SYNE1: variants seen among roughly 807,000 people sequenced by gnomAD.
SYNE1 encodes spectrin repeat containing nuclear envelope protein 1.
Under a neutral mutation model 1,111.0 loss-of-function variants are expected in SYNE1, and 616 were observed. That is an observed-to-expected ratio of 0.55 (90% CI 0.52 to 0.59). The LOEUF is 0.59. Ranked by LOEUF, SYNE1 falls within the 20% of genes least tolerant of loss-of-function variation. The pLI, the probability that SYNE1 is intolerant of heterozygous loss-of-function variation, is 0.00. For missense variants in SYNE1, 10,006 were observed against 10,417.0 expected, an observed-to-expected ratio of 0.96 and a Z score of 1.72; for synonymous variants, 3,855 against 3,825.8, an observed-to-expected ratio of 1.01 and a Z score of -0.28.
At chr6:152,553,461 G>A (rs1157524804) in intron 3 of SYNE1, among the ~76,000 whole-genome samples, 2 of 152,100 alleles carry the variant, frequency 1.3e-5, no homozygotes, top group Non-Finnish European at 2.9e-5. Context: ...TATTAAAAAC[G>A]ATATGGCCAG....
At chr6:152,269,320 A>G (rs754756322) in intron 98 of SYNE1, 34 bp from the exon 99 acceptor site, 1 of 1,613,594 alleles carries the variant, frequency 6.2e-7, no homozygotes, top group South Asian at 1.1e-5. Flanking sequence ...AAGTCATGCT[A>G]CACACCGGAA....
rs1402475836 is a variant in SYNE1 at position 152,201,743 on chromosome 6, G to A, written c.23145+81C>T. The A allele has an allele frequency of 7.5e-6, 12 of 1,603,398 alleles. No individual in the cohort carries two copies. The East Asian group carries it at 2.7e-4, about 36-fold the overall frequency. ...TTGTATCTGCATGTAGATAACCTAA[G>A]AGTTTGACTGGATTATGGCCCCAAA... On this transcript the variant is annotated intron_variant, in intron 127 of 145. Transcript: ENST00000367255.
chr6:152,128,583 C>T lies in SYNE1; in HGVS notation c.26153+2137G>A, dbSNP rs1057167480. On this transcript the variant is annotated intron_variant, in intron 145 of 145. Coordinates refer to ENST00000367255, the MANE Select transcript of SYNE1 (RefSeq NM_182961.4). The stretch of plus-strand genomic sequence containing the variant: ...TGACTTTAAACAACAACAAAGAAAC[C>T]AAATGAGTAACTCCTCCCTTCAAAC... 2.0e-5 allele frequency: 3 copies of T among 152,190 alleles called. No homozygotes were observed. In the East Asian group the frequency reaches 5.8e-4, roughly 29 times the overall value. The allele number at this position is 152,190 out of a possible 1,614,324, so 9.4% of individuals were successfully genotyped here. A position where few individuals can be genotyped will look rare whatever the true frequency, so the allele number is the denominator to read the frequency against.
intron 4 of SYNE1, among the ~76,000 whole-genome samples, chr6:152,536,455 T>TTATA (rs200097957): frequency 8.1e-5 from 10 of 123,216 alleles, no homozygotes; most frequent in Admixed American, 5.1e-4. Flanking sequence ...TAATATATAT[T>TTATA]TATATATATA....
intron 110 of SYNE1, among the ~76,000 whole-genome samples, chr6:152,235,521 C>G (rs892276874): frequency 6.6e-5 from 10 of 152,094 alleles, no homozygotes; most frequent in African/African-American, 2.4e-4. Context: ...ACCACCACGC[C>G]TGGCTAATTT....
chr6:152,221,436 C>G lies in SYNE1; in HGVS notation c.21646G>C (p.Val7216Leu). The change falls in exon 118 of 146, where the codon GTC (valine) becomes CTC (leucine). Residue 7216 changes from valine to leucine, a missense_variant. Coordinates refer to ENST00000367255, the MANE Select transcript of SYNE1 (RefSeq NM_182961.4). ...TAACATACTCCATACCTCATGTTGA[C>G]TTCTTTCAGTGTATTGGTAAGAGTT... ...TETLTNTLKE[V>L]NMRWNNLLEE... 1 of 1,613,844 alleles carries G rather than the reference C, an allele frequency of 6.2e-7. No individual in the cohort carries two copies. The highest frequency in any genetic ancestry group is 1.1e-5 in the South Asian group (1 of 91,072).
intron 66 of SYNE1, among the ~76,000 whole-genome samples, chr6:152,358,012 C>T (rs2154058354): frequency 6.6e-6 from 1 of 152,296 alleles, no homozygotes; most frequent in African/African-American, 2.4e-5. Flanking sequence ...GACTTTGTGT[C>T]ACCTTCTAAT....
At chr6:152,214,354 A>T (rs1467063720) in intron 122 of SYNE1, among the ~76,000 whole-genome samples, 1 of 152,206 alleles carries the variant, frequency 6.6e-6, no homozygotes, top group Non-Finnish European at 1.5e-5. Flanking sequence ...ATGAGAAACG[A>T]CTTTACAATT....
At chr6:152,301,720 T>G in intron 92 of SYNE1, 149 bp downstream of exon 92, 1 of 807,680 alleles carries the variant, frequency 1.2e-6, no homozygotes, top group Non-Finnish European at 1.9e-6. Context: ...GGCCCAACGG[T>G]AGTCAAAGAG....
chr6:152,235,860 G>C (rs1341634534), intron 110 of SYNE1, among the ~76,000 whole-genome samples: 1 of 152,036 alleles, frequency 6.6e-6, no homozygotes, highest in Admixed American at 6.6e-5. Flanking sequence ...TCCCACTTCA[G>C]CCTCTCCAAT....
intron 3 of SYNE1, among the ~76,000 whole-genome samples, chr6:152,541,758 A>AAAC (rs1199344424): frequency 6.3e-5 from 9 of 143,926 alleles, no homozygotes; most frequent in Non-Finnish European, 1.4e-4. Context: ...AAAAAAAAAA[A>AAAC]AAAAAAAGAA....
At chr6:152,368,403 GTT>G (rs1173058704) in intron 61 of SYNE1, 1 of 153,952 alleles carries the variant, frequency 6.5e-6, no homozygotes, top group Non-Finnish European at 1.4e-5. Flanking sequence ...GGTTTAATCA[GTT>G]GTCTGAACCA....
chr6:152,579,852 T>C (rs2099513401), intron 3 of SYNE1, among the ~76,000 whole-genome samples: 1 of 152,222 alleles, frequency 6.6e-6, no homozygotes, highest in Admixed American at 6.5e-5. Flanking sequence ...ATAACATGAT[T>C]TCATTCTTGT....
chr6:152,545,984 G>T (rs2099310634), intron 3 of SYNE1: 1 of 152,090 alleles, frequency 6.6e-6, no homozygotes, highest in Admixed American at 6.6e-5. Context: ...ATAGACAAAT[G>T]CAGATTGAAT....
At position 152,293,693 on chromosome 6, in the gene SYNE1, CTGG is replaced by C. The variant is rs1467646427; in HGVS notation, c.17904_17906del (p.Tyr5968_Gln5969delinsTer). 2 of 1,614,000 alleles carry C rather than the reference CTGG, an allele frequency of 1.2e-6. No homozygotes were observed. Among genetic ancestry groups the C allele is most frequent in the Admixed American group, 1.7e-5 (1 of 59,990 alleles). ...TCGTAGAGATGGACTGGAGGGAGTCCTGGTACTTCTGCTGGCGTTCCAAAGCTT... is the reference window on the plus strand; with the variant it reads ...TCGTAGAGATGGACTGGAGGGAGTCCTACTTCTGCTGGCGTTCCAAAGCTT... On this transcript the variant is annotated stop_gained and inframe_deletion, in exon 95 of 146. Transcript: ENST00000367255. LOFTEE classifies it high-confidence loss of function.
rs776032320 is a variant in SYNE1 at position 152,310,522 on chromosome 6, GA to G, written c.16897-5del. ...CTGCTTCAAATTTTTTCATATCCTAGAGAGTCAATATCAATGTATTGTACTT... is the reference window on the plus strand; with the variant it reads ...CTGCTTCAAATTTTTTCATATCCTAGGAGTCAATATCAATGTATTGTACTT... On this transcript the variant is annotated splice_region_variant and splice_polypyrimidine_tract_variant and intron_variant, in intron 88 of 145. Coordinates refer to ENST00000367255, the MANE Select transcript of SYNE1 (RefSeq NM_182961.4). 1.9e-6 allele frequency: 3 copies of G among 1,613,914 alleles called. No homozygotes were observed. The highest frequency in any genetic ancestry group is 2.5e-6 in the Non-Finnish European group (3 of 1,180,014).
intron 56 of SYNE1, chr6:152,380,446 CA>C (rs1229577439): frequency 0.027 from 2,868 of 106,844 alleles, 56 homozygotes; most frequent in African/African-American, 0.075. Context: ...CCATTAGCTT[CA>C]AAAAAAAAAA....
intron 4 of SYNE1, among the ~76,000 whole-genome samples, chr6:152,536,449 A>G (rs1198132926): frequency 7.2e-6 from 1 of 138,884 alleles, no homozygotes; most frequent in Non-Finnish European, 1.5e-5. Flanking sequence ...ATATAGTAAT[A>G]TATATTTATA....
chr6:152,221,128 C>T, intron 118 of SYNE1, 82 bp from the exon 119 acceptor site: 3 of 1,404,384 alleles, frequency 2.1e-6, no homozygotes, highest in Non-Finnish European at 3.0e-6. Flanking sequence ...TTTCATGATC[C>T]TGGTTCATGT....
Sources: allele counts gnomAD v4.1 joint callset (sites outside exome capture counted in the v4.1 genomes callset), GRCh38; gene constraint gnomAD v4.1.1; transcripts MANE v1.5; gene names NCBI Gene and HGNC (gene_info 2026-07-23, HGNC 2026-07-21).